ZMPSTE24: variants seen among roughly 807,000 people sequenced by gnomAD.
The protein encoded by ZMPSTE24 is CAAX prenyl protease 1 homolog.
In ZMPSTE24, 48 loss-of-function variants were observed where a neutral mutation model predicts 56.7. The ratio of observed to expected loss-of-function variants is 0.85; its 90% confidence interval spans 0.67 to 1.08. The LOEUF (loss-of-function observed/expected upper bound fraction) is 1.08. ZMPSTE24 is among the 50% of genes least tolerant of loss of function. The pLI, the probability that ZMPSTE24 is intolerant of heterozygous loss-of-function variation, is 0.00. For missense variants in ZMPSTE24, 503 were observed against 548.7 expected (o/e 0.92, Z 0.83); for synonymous variants, 172 against 195.2 (o/e 0.88, Z 0.99).
At chr1:40,286,989 C>T (rs1435914161) in intron 8 of ZMPSTE24, among the ~76,000 whole-genome samples, 3 of 152,110 alleles carry the variant, frequency 2.0e-5, no homozygotes, top group Non-Finnish European at 4.4e-5. Context: ...GCCTCAGCCT[C>T]CCAAATTGCT....
At chr1:40,291,945 A>G (rs768867616) in intron 9 of ZMPSTE24, among the ~76,000 whole-genome samples, 1 of 151,224 alleles carries the variant, frequency 6.6e-6, no homozygotes, top group Non-Finnish European at 1.5e-5. Context: ...GGTTCAAGCA[A>G]TTCTCCTGCC....
At chr1:40,280,820 A>G (rs532806623) in intron 6 of ZMPSTE24, among the ~76,000 whole-genome samples, 1 of 152,368 alleles carries the variant, frequency 6.6e-6, no homozygotes, top group Admixed American at 6.5e-5. Context: ...AAAGTGAGAA[A>G]TGTGCATTAA....
At chr1:40,260,391 T>C (rs148164275) in intron 1 of ZMPSTE24, among the ~76,000 whole-genome samples, 80 of 152,256 alleles carry the variant, frequency 5.3e-4, no homozygotes, top group African/African-American at 1.8e-3. Context: ...AGACCTGATA[T>C]GTTTCCATCT....
At position 40,278,860 on chromosome 1, in the gene ZMPSTE24, A is replaced by T. The variant is rs1296548036; in HGVS notation, c.770-2483A>T. 2.0e-5 allele frequency among the ~76,000 whole-genome samples: 3 copies of T among 152,206 alleles called. No homozygotes were observed. In the East Asian group the frequency reaches 5.8e-4, roughly 29 times the overall value. Reference sequence around the variant, plus strand: ...TACTGTTAGCTGCTATTAAAAATTTAGGTATGGGCCAGCTGTGGTGATTCA... The same window carrying T: ...TACTGTTAGCTGCTATTAAAAATTTTGGTATGGGCCAGCTGTGGTGATTCA... On this transcript the variant is annotated intron_variant, in intron 6 of 9. Coordinates refer to ENST00000372759, the MANE Select transcript of ZMPSTE24 (RefSeq NM_005857.5).
At chr1:40,278,451 G>A (rs888768226) in intron 6 of ZMPSTE24, among the ~76,000 whole-genome samples, 6 of 149,050 alleles carry the variant, frequency 4.0e-5, no homozygotes, top group East Asian at 2.0e-4. Context: ...CCAGCTACTC[G>A]GGAGGCTGAG....
chr1:40,269,191 GT>G (rs1270992857), intron 4 of ZMPSTE24, among the ~76,000 whole-genome samples: 1 of 151,944 alleles, frequency 6.6e-6, no homozygotes, highest in South Asian at 2.1e-4. Flanking sequence ...GAGTTCAGGA[GT>G]TCAAGACCAG....
chr1:40,280,645 C>T (rs537099573), intron 6 of ZMPSTE24, among the ~76,000 whole-genome samples: 118 of 152,208 alleles, frequency 7.8e-4, no homozygotes, highest in Middle Eastern at 3.4e-3. Context: ...AGGCTGGTCA[C>T]GAACTCCTGA....
chr1:40,291,629 T>C (rs903247226), intron 9 of ZMPSTE24, among the ~76,000 whole-genome samples: 2 of 152,120 alleles, frequency 1.3e-5, no homozygotes, highest in African/African-American at 2.4e-5. Flanking sequence ...AGAAATAATA[T>C]TGAAGATCTT....
In ZMPSTE24 at chr1:40,292,437, T is replaced by G; in HGVS notation, c.1204-8T>G. 6.2e-7 allele frequency: 1 copy of G among 1,613,134 alleles called. No homozygotes were observed. The highest frequency in any genetic ancestry group is 8.5e-7 in the Non-Finnish European group (1 of 1,179,800). On this transcript the variant is annotated splice_region_variant and splice_polypyrimidine_tract_variant and intron_variant, in intron 9 of 9. Coordinates refer to ENST00000372759, the MANE Select transcript of ZMPSTE24 (RefSeq NM_005857.5). Reference sequence around the variant, plus strand: ...CAGTGGCTAAAACCCTTTCATTTTCTTTTTCAGGTTCTTTCTTTTTGCCTA... The same window carrying G: ...CAGTGGCTAAAACCCTTTCATTTTCGTTTTCAGGTTCTTTCTTTTTGCCTA...
At chr1:40,277,695 G>A (rs1245106427) in intron 6 of ZMPSTE24, among the ~76,000 whole-genome samples, 1 of 152,038 alleles carries the variant, frequency 6.6e-6, no homozygotes, top group Non-Finnish European at 1.5e-5. Flanking sequence ...GCAGCCAGGC[G>A]TGGTAGCTCA....
chr1:40,283,278 C>G (rs1246289457), intron 7 of ZMPSTE24, among the ~76,000 whole-genome samples: 2 of 152,122 alleles, frequency 1.3e-5, no homozygotes, highest in African/African-American at 4.8e-5. Flanking sequence ...CCAAGACAGG[C>G]AGATAACTTG....
In ZMPSTE24 at chr1:40,292,969, T is replaced by G; in HGVS notation, c.*300T>G. 3.1e-6 allele frequency: 1 copy of G among 326,668 alleles called. No homozygotes were observed. The highest frequency in any genetic ancestry group is 4.6e-5 in the Admixed American group (1 of 21,830). The allele number at this position is 326,668 out of a possible 1,614,324, so 20.2% of individuals were successfully genotyped here. ...AACTCGTTTTATTTGTATACTTATA[T>G]GGAATCTGCATGTGAGGTGTTTGAG... On this transcript the variant is annotated 3_prime_UTR_variant, in exon 10 of 10. Transcript: ENST00000372759.
intron 7 of ZMPSTE24, among the ~76,000 whole-genome samples, chr1:40,285,093 TTTATTA>T (rs148578925): frequency 4.8e-5 from 7 of 144,708 alleles, no homozygotes; most frequent in East Asian, 4.1e-4. Flanking sequence ...GCCTGGCTAA[TTTATTA>T]TTATTATTAT....
At chr1:40,267,669 T>A (rs1643565203) in intron 2 of ZMPSTE24, 117 bp from the exon 3 acceptor site, 1 of 815,822 alleles carries the variant, frequency 1.2e-6, no homozygotes. Context: ...CGTACTGGCC[T>A]CTTTTGTTTT....
At chr1:40,291,460 G>A (rs1200941440) in intron 9 of ZMPSTE24, among the ~76,000 whole-genome samples, 1 of 152,138 alleles carries the variant, frequency 6.6e-6, no homozygotes, top group Non-Finnish European at 1.5e-5. Flanking sequence ...AATCAAAATC[G>A]GGTATTTTGT....
At chr1:40,287,061 T>TC (rs1229955453) in intron 8 of ZMPSTE24, among the ~76,000 whole-genome samples, 1 of 115,426 alleles carries the variant, frequency 8.7e-6, no homozygotes, top group African/African-American at 4.1e-5. Flanking sequence ...AACATTTTTT[T>TC]CTTTTTCTTT....
chr1:40,281,330 G>C lies in ZMPSTE24; in HGVS notation c.770-13G>C, dbSNP rs138860996. ...TTAATTATATTCCATGCTTTGAACTGTCTTTTCCTTAGGATCTAAACGCTC... is the reference window on the plus strand; with the variant it reads ...TTAATTATATTCCATGCTTTGAACTCTCTTTTCCTTAGGATCTAAACGCTC... On this transcript the variant is annotated splice_polypyrimidine_tract_variant and intron_variant, in intron 6 of 9. Transcript: ENST00000372759. 5.6e-6 allele frequency: 9 copies of C among 1,613,540 alleles called. No homozygotes were observed. The African/African-American group carries it at 1.1e-4, about 19-fold the overall frequency.
chr1:40,262,023 C>T (rs1045266515), intron 2 of ZMPSTE24, among the ~76,000 whole-genome samples: 1 of 152,076 alleles, frequency 6.6e-6, no homozygotes, highest in Admixed American at 6.6e-5. Flanking sequence ...TTATTTTTAT[C>T]ATCCTGATCA....
At chr1:40,265,600 A>G (rs557995610) in intron 2 of ZMPSTE24, among the ~76,000 whole-genome samples, 32 of 152,326 alleles carry the variant, frequency 2.1e-4, no homozygotes, top group African/African-American at 7.2e-4. Flanking sequence ...GGGGGCTGAC[A>G]TGGAAAGATC....
Sources: allele counts gnomAD v4.1 joint callset (sites outside exome capture counted in the v4.1 genomes callset), GRCh38; gene constraint gnomAD v4.1.1; transcripts MANE v1.5; gene names NCBI Gene and HGNC (gene_info 2026-07-23, HGNC 2026-07-21).